CDC73: variants seen among roughly 807,000 people sequenced by gnomAD.
CDC73 encodes parafibromin.
In CDC73, 21 loss-of-function variants were observed where a neutral mutation model predicts 83.7. That is an observed-to-expected ratio of 0.25 (90% CI 0.18 to 0.36). The LOEUF (loss-of-function observed/expected upper bound fraction) is 0.36. Ranked by LOEUF, CDC73 falls within the 10% of genes least tolerant of loss-of-function variation. CDC73 has a pLI of 1.00. For missense variants in CDC73, 342 were observed against 653.3 expected, an observed-to-expected ratio of 0.52 and a Z score of 5.19; for synonymous variants, 224 against 212.9, an observed-to-expected ratio of 1.05 and a Z score of -0.45.
intron 13 of CDC73, 91 bp from the exon 14 acceptor site, chr1:193,232,902 C>CA (rs201897186): frequency 0.043 from 39,489 of 918,702 alleles, 7 homozygotes; most frequent in East Asian, 0.07. Flanking sequence ...AACTCTGTCT[C>CA]AAAAAAAAAA....
At chr1:193,232,911 A>C in intron 13 of CDC73, 82 bp from the exon 14 acceptor site, 4 of 1,315,728 alleles carry the variant, frequency 3.0e-6, no homozygotes, top group Non-Finnish European at 4.3e-6. Flanking sequence ...TCAAAAAAAA[A>C]AAATATTTCA....
At chr1:193,155,190 A>C (rs190583187) in intron 10 of CDC73, among the ~76,000 whole-genome samples, 1 of 152,232 alleles carries the variant, frequency 6.6e-6, no homozygotes, top group Non-Finnish European at 1.5e-5. Context: ...ATTTCATAAG[A>C]ATCATGGGTT....
intron 10 of CDC73, among the ~76,000 whole-genome samples, chr1:193,189,627 T>C (rs936400017): frequency 2.6e-5 from 4 of 152,230 alleles, no homozygotes; most frequent in Non-Finnish European, 5.9e-5. Flanking sequence ...GCCGTTACTA[T>C]GTGCATCATG....
intron 10 of CDC73, among the ~76,000 whole-genome samples, chr1:193,200,064 C>CAAA (rs34458896): frequency 7.2e-6 from 1 of 138,950 alleles, no homozygotes. Context: ...CTGTCTCCAC[C>CAAA]AAAAAAAAAA....
intron 15 of CDC73, among the ~76,000 whole-genome samples, chr1:193,243,238 C>G (rs1028882007): frequency 6.6e-6 from 1 of 151,726 alleles, no homozygotes; most frequent in South Asian, 2.1e-4. Flanking sequence ...CCGTGCCCAG[C>G]TTACTTCTTG....
chr1:193,139,917 C>T (rs955865361), intron 6 of CDC73, among the ~76,000 whole-genome samples: 2 of 152,226 alleles, frequency 1.3e-5, no homozygotes, highest in African/African-American at 4.8e-5. Flanking sequence ...ATTATTCTGT[C>T]TAATTCACTT....
rs1301499480 is a variant in CDC73 at position 193,148,081 on chromosome 1, T to A, written c.828+116T>A. On this transcript the variant is annotated intron_variant, in intron 8 of 16. Coordinates refer to ENST00000367435, the MANE Select transcript of CDC73 (RefSeq NM_024529.5). ...AATCAGTGGATTCTAAACCTTTTGC[T>A]CCTTTAGCATATCTGAAAGATGTGA... 2.7e-5 allele frequency: 20 copies of A among 748,964 alleles called. No individual in the cohort carries two copies. The South Asian group carries it at 2.8e-4, about 11-fold the overall frequency. 46.4% of individuals were successfully genotyped at this position (748,964 alleles called of 1,614,324 possible). A position where few individuals can be genotyped will look rare whatever the true frequency, so the allele number is the denominator to read the frequency against.
At chr1:193,220,573 A>C (rs1677452076) in intron 13 of CDC73, among the ~76,000 whole-genome samples, 1 of 152,218 alleles carries the variant, frequency 6.6e-6, no homozygotes, top group Non-Finnish European at 1.5e-5. Context: ...GTAGAATTGA[A>C]TTTTAAGTGC....
Position 193,151,975 on chromosome 1 carries a change from A to T in CDC73, c.908-405A>T, listed in dbSNP as rs144412424. Among the ~76,000 whole-genome samples, 12 of 152,232 alleles carry T rather than the reference A, an allele frequency of 7.9e-5. No homozygotes were observed. In the East Asian group the frequency reaches 2.3e-3, roughly 29 times the overall value. ...TGTATGTATGTATATAAAAATAAGT[A>T]TATGCCTTATGACTGAAACTTTGGA... On this transcript the variant is annotated intron_variant, in intron 9 of 16. Coordinates refer to ENST00000367435, the MANE Select transcript of CDC73 (RefSeq NM_024529.5).
intron 10 of CDC73, among the ~76,000 whole-genome samples, chr1:193,196,924 G>A (rs1677012708): frequency 6.6e-6 from 1 of 152,020 alleles, no homozygotes; most frequent in South Asian, 2.1e-4. Flanking sequence ...CAATTTGAAT[G>A]CCTTCTGTTT....
chr1:193,153,393 C>G (rs1425325140), intron 10 of CDC73, among the ~76,000 whole-genome samples: 4 of 152,074 alleles, frequency 2.6e-5, no homozygotes, highest in Non-Finnish European at 4.4e-5. Flanking sequence ...GATTATTATA[C>G]TTTTAAAATA....
At chr1:193,249,450 A>G (rs568256538) in intron 15 of CDC73, among the ~76,000 whole-genome samples, 1 of 152,074 alleles carries the variant, frequency 6.6e-6, no homozygotes, top group South Asian at 2.1e-4. Context: ...CTGAACCCAC[A>G]ATATCTCCAA....
At chr1:193,214,592 G>T (rs1248601767) in intron 13 of CDC73, among the ~76,000 whole-genome samples, 1 of 152,164 alleles carries the variant, frequency 6.6e-6, no homozygotes, top group Non-Finnish European at 1.5e-5. Context: ...GGTGGCAGGT[G>T]CCTGTAGTCC....
chr1:193,227,711 A>G (rs1467619196), intron 13 of CDC73, among the ~76,000 whole-genome samples: 3 of 152,216 alleles, frequency 2.0e-5, no homozygotes, highest in Non-Finnish European at 4.4e-5. Flanking sequence ...TAGGCTAGGA[A>G]GCAAAAATTA....
intron 10 of CDC73, among the ~76,000 whole-genome samples, chr1:193,162,870 C>G (rs1253154812): frequency 2.0e-5 from 3 of 152,020 alleles, no homozygotes; most frequent in East Asian, 3.8e-4. Flanking sequence ...AATTGAATTC[C>G]TAATATATTT....
intron 11 of CDC73, among the ~76,000 whole-genome samples, chr1:193,211,724 C>T (rs528499337): frequency 6.6e-6 from 1 of 152,294 alleles, no homozygotes; most frequent in Non-Finnish European, 1.5e-5. Flanking sequence ...TTTCATTATG[C>T]TCCTGAGAAA....
chr1:193,198,527 T>G (rs1230748076), intron 10 of CDC73, among the ~76,000 whole-genome samples: 1 of 152,236 alleles, frequency 6.6e-6, no homozygotes, highest in Non-Finnish European at 1.5e-5. Flanking sequence ...GCCTTGATCT[T>G]GGATTTTCCA....
chr1:193,253,759 T>C lies in CDC73; in HGVS notation c.*3047T>C, dbSNP rs946384834. ...GTAGAATGAGACAAATACAGTTTGC[T>C]TATGAAAGGAAAGTGGCATACTTTT... is the stretch of plus-strand genomic sequence containing the variant. On this transcript the variant is annotated 3_prime_UTR_variant, in exon 17 of 17. Coordinates refer to ENST00000367435, the MANE Select transcript of CDC73 (RefSeq NM_024529.5). The C allele has an allele frequency of 8.7e-6, 2 of 231,118 alleles. No individual in the cohort carries two copies. Among genetic ancestry groups the C allele is most frequent in the Non-Finnish European group, 1.7e-5 (2 of 116,764 alleles). The allele number at this position is 231,118 out of a possible 1,614,324, so 14.3% of individuals were successfully genotyped here.
intron 14 of CDC73, among the ~76,000 whole-genome samples, chr1:193,235,253 C>T (rs776228722): frequency 1.3e-5 from 2 of 152,192 alleles, no homozygotes; most frequent in Non-Finnish European, 2.9e-5. Context: ...TTCTCTTCTT[C>T]TCTTCTTCCT....
Sources: gnomAD v4.1 joint callset for allele counts (sites outside exome capture counted in the v4.1 genomes callset) on GRCh38, gnomAD v4.1.1 for gene constraint, MANE v1.5 for transcripts, NCBI Gene and HGNC (gene_info 2026-07-23, HGNC 2026-07-21) for gene names.